ANKS1A: variants seen among roughly 807,000 people sequenced by gnomAD.
ANKS1A encodes ankyrin repeat and SAM domain-containing protein 1A.
A neutral mutation model predicts 120.3 loss-of-function variants in ANKS1A; 55 were observed. That is an observed-to-expected ratio of 0.46 (90% CI 0.37 to 0.57). The LOEUF is 0.57. Among genes scored for constraint, ANKS1A ranks in the 20% least tolerant of loss-of-function variants. The probability of loss-of-function intolerance (pLI) is 0.00; values close to 1 mark genes in which losing one functional copy is unlikely to be tolerated. For synonymous variants in ANKS1A, 590 were observed against 604.7 expected (o/e 0.98, Z 0.36); for missense variants, 1,123 against 1,480.3 (o/e 0.76, Z 3.96).
rs536079900 is a variant in ANKS1A, at chr6:35,086,182, C to T, written c.3303+246C>T. 1,069 of 1,271,626 alleles carry T rather than the reference C, an allele frequency of 8.4e-4. 15 individuals are homozygous for T. The Middle Eastern group carries it at 0.016, about 19-fold the overall frequency. 78.8% of individuals were successfully genotyped at this position (1,271,626 alleles called of 1,614,324 possible). On this transcript the variant is annotated intron_variant, in intron 22 of 23. Transcript: ENST00000360359. This position sits in a 1 kb window ranked among gnomAD's most constrained non-coding sequence, Gnocchi z 5.1. ...CGCTGGGCTCCCCCAAGGGCAAGGC[C>T]GTCAAGGGGCTGCAGAGAGCGGCCT... is the stretch of plus-strand genomic sequence containing the variant.
rs201205979 is a variant in ANKS1A, at chr6:35,079,779, T to C, written c.2437-42T>C. The C allele has an allele frequency of 1.0e-4, 162 of 1,602,542 alleles. No homozygotes were observed. In the African/African-American group the frequency reaches 1.8e-3, roughly 18 times the overall value. On this transcript the variant is annotated intron_variant, in intron 15 of 23. Coordinates refer to ENST00000360359, the MANE Select transcript of ANKS1A (RefSeq NM_015245.3). ...GGGGCTGGAGCGGACTGTGAGTGAG[T>C]TGGCCACCTGACCTGTCACCTCGCT... is the stretch of plus-strand genomic sequence containing the variant.
intron 13 of ANKS1A, among the ~76,000 whole-genome samples, chr6:35,077,606 T>C (rs1362376993): frequency 6.6e-6 from 1 of 152,180 alleles, no homozygotes; most frequent in African/African-American, 2.4e-5. Flanking sequence ...TAGGCCACAC[T>C]GTGTATTTTA....
chr6:34,924,959 T>C (rs542932824), intron 1 of ANKS1A, among the ~76,000 whole-genome samples: 2 of 152,354 alleles, frequency 1.3e-5, no homozygotes, highest in African/African-American at 4.8e-5. Flanking sequence ...ATCACTTTTT[T>C]TCCCCTGCCT....
intron 1 of ANKS1A, among the ~76,000 whole-genome samples, chr6:34,959,835 G>C (rs772879888): frequency 2.6e-5 from 4 of 152,180 alleles, no homozygotes; most frequent in Admixed American, 6.5e-5. Context: ...AATCAGATAG[G>C]AGGAACCCTG....
intron 1 of ANKS1A, among the ~76,000 whole-genome samples, chr6:34,921,511 C>T (rs185047623): frequency 6.6e-4 from 100 of 152,276 alleles, no homozygotes; most frequent in African/African-American, 2.4e-3. Flanking sequence ...TTTTTATTTG[C>T]ATATTTAGAA....
intron 11 of ANKS1A, among the ~76,000 whole-genome samples, chr6:35,032,021 G>A (rs953498333): frequency 1.3e-5 from 2 of 152,222 alleles, no homozygotes; most frequent in Admixed American, 6.5e-5. Flanking sequence ...AGAGCCTACT[G>A]TGTGCTTAGG....
intron 9 of ANKS1A, among the ~76,000 whole-genome samples, chr6:34,993,643 C>G (rs1369520035): frequency 6.6e-6 from 1 of 152,138 alleles, no homozygotes; most frequent in Non-Finnish European, 1.5e-5. Flanking sequence ...GAAAAGCTCA[C>G]AAAAATAGAG....
intron 3 of ANKS1A, among the ~76,000 whole-genome samples, chr6:34,976,151 A>AAAAAAAAAAG (rs71002516): frequency 6.9e-6 from 1 of 145,624 alleles, no homozygotes; most frequent in African/African-American, 2.5e-5. Flanking sequence ...AAAAAAAAAA[A>AAAAAAAAAAG]GAAAAGAAAA....
Position 35,060,265 on chromosome 6 carries a change from C to T in ANKS1A, c.2184+12C>T. On this transcript the variant is annotated intron_variant, in intron 13 of 23. Transcript: ENST00000360359. The surrounding 1 kb of genome is among the most constrained non-coding windows in gnomAD (Gnocchi z 4.5). ...ATGTCCACTTCCTGGTAAGTGGCTG[C>T]AGGCCTCCTCAATGGCAGGGTGCTG... is the stretch of plus-strand genomic sequence containing the variant. The T allele has an allele frequency of 1.9e-6, 3 of 1,602,054 alleles. No individual in the cohort carries two copies. Among genetic ancestry groups the T allele is most frequent in the East Asian group, 2.2e-5 (1 of 44,566 alleles).
At chr6:34,899,504 A>G (rs910646760) in intron 1 of ANKS1A, among the ~76,000 whole-genome samples, 3 of 152,210 alleles carry the variant, frequency 2.0e-5, no homozygotes, top group Admixed American at 6.5e-5. Flanking sequence ...AGTAATTAAA[A>G]AACAAAAAAA....
At chr6:34,933,597 C>T (rs1002042014) in intron 1 of ANKS1A, among the ~76,000 whole-genome samples, 3 of 152,056 alleles carry the variant, frequency 2.0e-5, no homozygotes, top group African/African-American at 7.2e-5. Context: ...TGCAAACTCC[C>T]GACCTTAGGT....
intron 1 of ANKS1A, among the ~76,000 whole-genome samples, chr6:34,946,424 C>T (rs1581731709): frequency 6.6e-6 from 1 of 151,934 alleles, no homozygotes; most frequent in East Asian, 2.0e-4. Context: ...CCTGTCTCTA[C>T]TAAAAATATA....
In ANKS1A at chr6:35,085,813, G is replaced by C; in HGVS notation, c.3180G>C (p.Val1060=). The C allele has an allele frequency of 6.2e-7, 1 of 1,612,312 alleles. No individual in the cohort carries two copies. The highest frequency in any genetic ancestry group is 8.5e-7 in the Non-Finnish European group (1 of 1,179,268). The change falls in exon 22 of 24, where the codon GTG becomes GTC. Residue 1060 remains valine, a synonymous_variant. Transcript: ENST00000360359. This position sits in a 1 kb window ranked among gnomAD's most constrained non-coding sequence, Gnocchi z 4.7. ...TGACGCTGGGGCAGGCCTTCGAAGTGGCCTATCAGTTGGCCCTGCAGGCCC... is the reference window on the plus strand; with the variant it reads ...TGACGCTGGGGCAGGCCTTCGAAGTCGCCTATCAGTTGGCCCTGCAGGCCC... ...IILTLGQAFE[V]AYQLALQAQK... is the part of the protein sequence containing the mutation.
chr6:35,086,169 C>T lies in ANKS1A; in HGVS notation c.3303+233C>T. On this transcript the variant is annotated intron_variant, in intron 22 of 23. Transcript: ENST00000360359. The surrounding 1 kb of genome is among the most constrained non-coding windows in gnomAD (Gnocchi z 5.1). ...TGTTTCCCTCCCTCGCTGGGCTCCC[C>T]CAAGGGCAAGGCCGTCAAGGGGCTG... is the stretch of plus-strand genomic sequence containing the variant. 2 of 1,251,800 alleles carry T rather than the reference C, an allele frequency of 1.6e-6. No individual in the cohort carries two copies. Among genetic ancestry groups the T allele is most frequent in the Non-Finnish European group, 2.2e-6 (2 of 916,500 alleles). The allele number at this position is 1,251,800 out of a possible 1,614,324, so 77.5% of individuals were successfully genotyped here.
chr6:35,045,793 G>A (rs1775692810), intron 11 of ANKS1A, among the ~76,000 whole-genome samples: 1 of 152,210 alleles, frequency 6.6e-6, no homozygotes, highest in South Asian at 2.1e-4. Flanking sequence ...CACCAGGAGG[G>A]CAGTCAGCTA....
chr6:34,988,458 TG>T (rs1772329859), intron 8 of ANKS1A, among the ~76,000 whole-genome samples: 1 of 152,120 alleles, frequency 6.6e-6, no homozygotes, highest in Non-Finnish European at 1.5e-5. Context: ...TAGCCAGGCG[TG>T]GTGGCGGGCA....
intron 10 of ANKS1A, among the ~76,000 whole-genome samples, chr6:35,004,825 AAAG>A (rs1403146107): frequency 6.6e-6 from 1 of 152,170 alleles, no homozygotes; most frequent in Non-Finnish European, 1.5e-5. Flanking sequence ...CAGAGTTAAA[AAAG>A]AAAGAAAGTG....
At chr6:34,963,482 T>A (rs1561874387) in intron 1 of ANKS1A, among the ~76,000 whole-genome samples, 1 of 152,254 alleles carries the variant, frequency 6.6e-6, no homozygotes, top group Admixed American at 6.5e-5. Context: ...AAGTATGTCA[T>A]TGTTTATATA....
At chr6:35,097,886 A>G in the ANKS1A span, among the ~76,000 whole-genome samples, 1 of 152,214 alleles carries the variant, frequency 6.6e-6, no homozygotes, top group African/African-American at 2.4e-5. Flanking sequence ...TAAAAAGCTA[A>G]ACTGTTTACG....
Sources: gnomAD v4.1 joint callset for allele counts (sites outside exome capture counted in the v4.1 genomes callset) on GRCh38, gnomAD v4.1.1 for gene constraint, Gnocchi (gnomAD v3.1) non-coding constraint, MANE v1.5 for transcripts, NCBI Gene and HGNC (gene_info 2026-07-23, HGNC 2026-07-21) for gene names.